PHLPP1: variants seen among roughly 807,000 people sequenced by gnomAD.
PHLPP1 encodes the protein PH domain and leucine rich repeat protein phosphatase 1, also known as PH domain leucine-rich repeat-containing protein phosphatase 1.
In PHLPP1, 42 loss-of-function variants were observed where a neutral mutation model predicts 117.2. The ratio of observed to expected loss-of-function variants is 0.36; its 90% CI spans 0.28 to 0.46. The LOEUF (loss-of-function observed/expected upper bound fraction) is 0.46. Ranked by LOEUF, PHLPP1 falls within the 20% of genes least tolerant of loss-of-function variation. The pLI is 1.00. For missense variants in PHLPP1, 2,084 were observed against 2,241.9 expected, an observed-to-expected ratio of 0.93 and a Z score of 1.42; for synonymous variants, 1,042 against 970.7, an observed-to-expected ratio of 1.07 and a Z score of -1.37.
intron 8 of PHLPP1, 47 bp from the exon 9 acceptor site, chr18:62,914,866 C>T (rs1220405825): frequency 7.4e-7 from 1 of 1,353,256 alleles, no homozygotes; most frequent in Non-Finnish European, 1.0e-6. Flanking sequence ...TTTAGAACCA[C>T]ATTTGAGGAC....
chr18:62,715,774 GCAGCAGCAGCAGCGGCGGCC>G lies in PHLPP1; in HGVS notation c.92_111del (p.Ala31GlyfsTer225). 1.1e-6 allele frequency: 1 copy of G among 874,434 alleles called. No homozygotes were observed. The highest frequency in any genetic ancestry group is 1.4e-6 in the Non-Finnish European group (1 of 713,958). 54.2% of individuals were successfully genotyped at this position (874,434 alleles called of 1,614,324 possible). A position where few individuals can be genotyped will look rare whatever the true frequency, so the allele number is the denominator to read the frequency against. ...GGCTCCGGCGGCCGCCGCTGCGGCA[GCAGCAGCAGCAGCGGCGGCC>G]GCGGCGGCTCTGGCGGCGGCGGCCG... On this transcript the variant is annotated frameshift_variant, in exon 1 of 17. Transcript: ENST00000262719. LOFTEE classifies it high-confidence loss of function.
At chr18:62,877,100 A>G (rs1916066430) in intron 4 of PHLPP1, among the ~76,000 whole-genome samples, 1 of 152,174 alleles carries the variant, frequency 6.6e-6, no homozygotes, top group Non-Finnish European at 1.5e-5. Flanking sequence ...AGAAAGCTCA[A>G]ATTTCTACAT....
At chr18:62,784,443 A>G (rs1048850247) in intron 1 of PHLPP1, among the ~76,000 whole-genome samples, 12 of 151,760 alleles carry the variant, frequency 7.9e-5, no homozygotes, top group African/African-American at 2.9e-4. Flanking sequence ...GTGTACTATA[A>G]CTCATGGTAG....
chr18:62,805,667 C>T (rs1272227648), intron 1 of PHLPP1, among the ~76,000 whole-genome samples: 1 of 152,074 alleles, frequency 6.6e-6, no homozygotes, highest in African/African-American at 2.4e-5. Context: ...GACCTTTTTC[C>T]ACTGTCTTAA....
intron 4 of PHLPP1, among the ~76,000 whole-genome samples, chr18:62,886,064 G>A (rs1250000563): frequency 6.6e-6 from 1 of 152,170 alleles, no homozygotes; most frequent in Non-Finnish European, 1.5e-5. Flanking sequence ...CACACCCCTA[G>A]ATAGTTTAGC....
At chr18:62,800,472 T>A (rs932411438) in intron 1 of PHLPP1, among the ~76,000 whole-genome samples, 2 of 152,174 alleles carry the variant, frequency 1.3e-5, no homozygotes, top group African/African-American at 4.8e-5. Flanking sequence ...ATAGTGGTGA[T>A]CTCAACTTTT....
At chr18:62,790,590 A>G (rs1014023661) in intron 1 of PHLPP1, among the ~76,000 whole-genome samples, 17 of 152,186 alleles carry the variant, frequency 1.1e-4, no homozygotes, top group African/African-American at 3.9e-4. Flanking sequence ...AAGCCAATAT[A>G]TTAATATTAT....
At chr18:62,812,892 A>C (rs537882782) in intron 1 of PHLPP1, among the ~76,000 whole-genome samples, 1 of 152,194 alleles carries the variant, frequency 6.6e-6, no homozygotes, top group Non-Finnish European at 1.5e-5. Flanking sequence ...CAGGTCTACC[A>C]TCTGTTACAA....
At chr18:62,923,624 A>AG (rs1217423900) in intron 10 of PHLPP1, among the ~76,000 whole-genome samples, 1 of 152,184 alleles carries the variant, frequency 6.6e-6, no homozygotes, top group Non-Finnish European at 1.5e-5. Flanking sequence ...ATTGCCTTTA[A>AG]AGGTTAATAC....
At chr18:62,726,919 G>A (rs1911090653) in intron 1 of PHLPP1, among the ~76,000 whole-genome samples, 1 of 150,870 alleles carries the variant, frequency 6.6e-6, no homozygotes, top group Non-Finnish European at 1.5e-5. Context: ...AAAATTTGAT[G>A]TATCATCATT....
At chr18:62,857,463 G>T (rs1915528677) in intron 3 of PHLPP1, among the ~76,000 whole-genome samples, 2 of 152,016 alleles carry the variant, frequency 1.3e-5, no homozygotes, top group African/African-American at 4.8e-5. Flanking sequence ...ACCTAGCTTG[G>T]GTCCCATGCT....
intron 1 of PHLPP1, among the ~76,000 whole-genome samples, chr18:62,759,066 G>A (rs755353176): frequency 1.1e-4 from 17 of 152,188 alleles, no homozygotes; most frequent in Admixed American, 5.9e-4. Context: ...ATAGGATAGA[G>A]AGAACAGTCC....
intron 1 of PHLPP1, among the ~76,000 whole-genome samples, chr18:62,770,502 C>A (rs1050993044): frequency 1.3e-5 from 2 of 152,150 alleles, no homozygotes; most frequent in African/African-American, 4.8e-5. Flanking sequence ...GGTTCAAATT[C>A]TTATTGTAGA....
chr18:62,778,059 A>C (rs955147943), intron 1 of PHLPP1, among the ~76,000 whole-genome samples: 2 of 152,226 alleles, frequency 1.3e-5, no homozygotes, highest in African/African-American at 4.8e-5. Context: ...AGAGTGAATC[A>C]GCCAGTTTTC....
At chr18:62,726,216 G>C (rs1911065879) in intron 1 of PHLPP1, among the ~76,000 whole-genome samples, 1 of 151,914 alleles carries the variant, frequency 6.6e-6, no homozygotes. Context: ...GGGTGAGTAG[G>C]GTAACTGATC....
intron 3 of PHLPP1, among the ~76,000 whole-genome samples, 159 bp from the exon 4 acceptor site, chr18:62,860,276 A>G (rs776756647): frequency 1.3e-5 from 2 of 152,192 alleles, no homozygotes; most frequent in Admixed American, 6.5e-5. Context: ...AAAGGTTGGT[A>G]TGCGGCACAT....
At chr18:62,940,504 G>T (rs186326459) in intron 10 of PHLPP1, among the ~76,000 whole-genome samples, 1 of 151,328 alleles carries the variant, frequency 6.6e-6, no homozygotes, top group East Asian at 2.0e-4. Flanking sequence ...AGCTGGGACT[G>T]CAGGCGCCCG....
At chr18:62,920,774 T>A (rs1909441063) in intron 10 of PHLPP1, among the ~76,000 whole-genome samples, 1 of 152,198 alleles carries the variant, frequency 6.6e-6, no homozygotes, top group Non-Finnish European at 1.5e-5. Flanking sequence ...TTGGCCAGGC[T>A]GGTTTCGAAC....
At chr18:62,853,532 G>A (rs1159873591) in intron 3 of PHLPP1, among the ~76,000 whole-genome samples, 2 of 151,920 alleles carry the variant, frequency 1.3e-5, no homozygotes, top group Non-Finnish European at 2.9e-5. Context: ...ACCCCACCCA[G>A]CTAATTTTTG....
Sources: allele counts gnomAD v4.1 joint callset (sites outside exome capture counted in the v4.1 genomes callset), GRCh38; gene constraint gnomAD v4.1.1; transcripts MANE v1.5; gene names NCBI Gene and HGNC (gene_info 2026-07-23, HGNC 2026-07-21).